Variants in DNAH17 observed in about 807,000 individuals in gnomAD.
DNAH17 encodes the protein axonemal beta dynein heavy chain 17.
A neutral mutation model predicts 485.6 loss-of-function variants in DNAH17; 376 were observed. The observed-to-expected ratio is 0.77, with a 90% confidence interval of 0.71 to 0.84. DNAH17 has a LOEUF of 0.84. Ranked by LOEUF, DNAH17 falls within the 40% of genes least tolerant of loss-of-function variation. DNAH17 has a pLI of 0.00. For missense variants in DNAH17, 6,370 were observed against 5,839.3 expected (o/e 1.09, Z -2.96); for synonymous variants, 3,031 against 2,405.9 (o/e 1.26, Z -7.60).
intron 75 of DNAH17, among the ~76,000 whole-genome samples, chr17:78,430,007 C>T (rs954237365): frequency 5.3e-5 from 8 of 152,198 alleles, no homozygotes; most frequent in Admixed American, 2.6e-4. Flanking sequence ...CCAGAGCACA[C>T]GCCAGGCGAC....
intron 25 of DNAH17, chr17:78,522,372 G>A: frequency 7.1e-6 from 2 of 281,788 alleles, no homozygotes; most frequent in South Asian, 3.4e-5. Flanking sequence ...AAATGCTAGA[G>A]GAAGAGGAAG....
At chr17:78,543,627 G>A (rs999922566) in intron 17 of DNAH17, 18 of 605,790 alleles carry the variant, frequency 3.0e-5, no homozygotes, top group African/African-American at 1.3e-4. Context: ...GTTTCACCAC[G>A]TTGGTCAAGC....
At chr17:78,469,150 CTTTTTT>C (rs888053961) in intron 54 of DNAH17, among the ~76,000 whole-genome samples, 4 of 139,792 alleles carry the variant, frequency 2.9e-5, no homozygotes, top group African/African-American at 1.3e-4. Flanking sequence ...CTGTCTTTTT[CTTTTTT>C]TTTGAGACTG....
chr17:78,454,415 A>G, intron 64 of DNAH17, 55 bp downstream of exon 64: 1 of 1,428,582 alleles, frequency 7.0e-7, no homozygotes, highest in Non-Finnish European at 9.6e-7. Flanking sequence ...GGAATGCCTA[A>G]GGCGTGCTTC....
intron 25 of DNAH17, among the ~76,000 whole-genome samples, chr17:78,523,286 A>AC (rs1233218698): frequency 6.6e-6 from 1 of 150,674 alleles, no homozygotes; most frequent in Non-Finnish European, 1.5e-5. Context: ...ACCATGCCCA[A>AC]CTAATTTTTG....
In DNAH17 at chr17:78,485,729, ATGGTT is replaced by A; in HGVS notation, c.7299_7303del (p.Glu2433AspfsTer81). 1 of 1,613,110 alleles carries A rather than the reference ATGGTT, an allele frequency of 6.2e-7. No homozygotes were observed. The highest frequency in any genetic ancestry group is 8.5e-7 in the Non-Finnish European group (1 of 1,179,834). Reference sequence around the variant, plus strand: ...CAGGTCCATGAAGTAGCGGATGCGGATGGTTTCCGTGGTGTGGACCAAAGAGGCCT... The same window carrying A: ...CAGGTCCATGAAGTAGCGGATGCGGATCCGTGGTGTGGACCAAAGAGGCCT... On this transcript the variant is annotated frameshift_variant, in exon 47 of 81. Transcript: ENST00000389840. LOFTEE classifies it high-confidence loss of function.
In DNAH17 at chr17:78,458,602, C is replaced by T. The variant is rs780672250; in HGVS notation, c.9940G>A (p.Ala3314Thr). Residue 3314 changes from alanine to threonine, a missense_variant, in exon 62 of 81, where the codon GCC (alanine) becomes ACC (threonine). By Grantham distance (58) the Ala-to-Thr change is moderately conservative. Coordinates refer to ENST00000389840, the MANE Select transcript of DNAH17 (RefSeq NM_173628.4). ...TAEKIKCQQEADATNRVILLA... is the reference protein window; with the variant it reads ...TAEKIKCQQETDATNRVILLA... ...AAGATCACCCTGTTCGTGGCATCGG[C>T]CTCTTGCTGACACTTGATTTTCTCA... is the stretch of plus-strand genomic sequence containing the variant. 1 of 1,614,014 alleles carries T rather than the reference C, an allele frequency of 6.2e-7. No individual in the cohort carries two copies. Among genetic ancestry groups the T allele is most frequent in the South Asian group, 1.1e-5 (1 of 91,082 alleles).
chr17:78,444,128 C>A (rs1484214731), intron 71 of DNAH17, among the ~76,000 whole-genome samples: 1 of 152,186 alleles, frequency 6.6e-6, no homozygotes, highest in African/African-American at 2.4e-5. Context: ...CAGAGGTACT[C>A]AAAGTCCTCG....
intron 80 of DNAH17, chr17:78,424,600 A>G (rs1489264100): frequency 1.3e-5 from 2 of 156,654 alleles, no homozygotes; most frequent in African/African-American, 4.8e-5. Flanking sequence ...TACTCGCCCT[A>G]TTTAATGGTG....
rs2086508487 is a variant in DNAH17, at chr17:78,427,250, G to A, written c.12589-142C>T. ...GGCAAGTAGAGTTGCCAGAAATGCA[G>A]GGTCATGGGTGCAGCCACACATTTG... On this transcript the variant is annotated intron_variant, in intron 77 of 80. Transcript: ENST00000389840. 9.2e-6 allele frequency: 7 copies of A among 760,472 alleles called. No individual in the cohort carries two copies. The South Asian group carries it at 1.2e-4, about 13-fold the overall frequency. 47.1% of individuals were successfully genotyped at this position (760,472 alleles called of 1,614,324 possible). A position where few individuals can be genotyped will look rare whatever the true frequency, so the allele number is the denominator to read the frequency against.
Position 78,426,364 on chromosome 17 carries a change from A to G in DNAH17, c.12915+93T>C, listed in dbSNP as rs2086460638. The G allele has an allele frequency of 1.0e-5, 14 of 1,405,900 alleles. 1 individual carries two copies. The South Asian group carries it at 2.1e-4, about 21-fold the overall frequency. 87.1% of individuals were successfully genotyped at this position (1,405,900 alleles called of 1,614,324 possible). ...ACAGGCCCCCAGGAGCCTCCTGGCC[A>G]TGCTCCTGCAGGCTCTAGGGTGTGG... On this transcript the variant is annotated intron_variant, in intron 79 of 80. Coordinates refer to ENST00000389840, the MANE Select transcript of DNAH17 (RefSeq NM_173628.4).
At chr17:78,537,708 G>C (rs1397095086) in intron 18 of DNAH17, among the ~76,000 whole-genome samples, 3 of 152,236 alleles carry the variant, frequency 2.0e-5, no homozygotes, top group Non-Finnish European at 2.9e-5. Flanking sequence ...TGGGGCAAGG[G>C]GAGGGGCAGG....
At chr17:78,576,857 T>G (rs1446435871) in intron 1 of DNAH17, among the ~76,000 whole-genome samples, 5 of 151,654 alleles carry the variant, frequency 3.3e-5, no homozygotes, top group Middle Eastern at 3.4e-3. Flanking sequence ...GATCGGGAGG[T>G]CTCATCTCAG....
intron 58 of DNAH17, among the ~76,000 whole-genome samples, 165 bp downstream of exon 58, chr17:78,461,378 TG>T (rs1443910810): frequency 6.6e-6 from 1 of 152,190 alleles, no homozygotes; most frequent in Non-Finnish European, 1.5e-5. Context: ...GGCCCTCCCC[TG>T]GGAGAGACTC....
chr17:78,545,360 C>T (rs2091730326), intron 16 of DNAH17, among the ~76,000 whole-genome samples: 1 of 152,030 alleles, frequency 6.6e-6, no homozygotes, highest in Non-Finnish European at 1.5e-5. Context: ...AGCAAAATAC[C>T]ATATACTAGG....
At chr17:78,488,862 A>T (rs978204845) in intron 44 of DNAH17, among the ~76,000 whole-genome samples, 2 of 152,000 alleles carry the variant, frequency 1.3e-5, no homozygotes, top group African/African-American at 4.8e-5. Flanking sequence ...GTGTGTCCAT[A>T]AGCCAAGGGA....
At chr17:78,515,623 C>T (rs74435178) in intron 25 of DNAH17, among the ~76,000 whole-genome samples, 3 of 152,346 alleles carry the variant, frequency 2.0e-5, no homozygotes, top group East Asian at 3.9e-4. Context: ...CTCAGTATGT[C>T]CATGTAGCTT....
chr17:78,435,841 C>CA (rs1461519750), intron 74 of DNAH17, among the ~76,000 whole-genome samples: 2 of 152,192 alleles, frequency 1.3e-5, no homozygotes, highest in Non-Finnish European at 2.9e-5. Flanking sequence ...GTGCTGCTTC[C>CA]AGAACGTATC....
intron 40 of DNAH17, 122 bp downstream of exon 40, chr17:78,494,471 C>T: frequency 8.5e-7 from 1 of 1,178,530 alleles, no homozygotes; most frequent in African/African-American, 1.5e-5. Flanking sequence ...GCTCAGAGGT[C>T]TCTTTGTAGC....
Sources: allele counts gnomAD v4.1 joint callset (sites outside exome capture counted in the v4.1 genomes callset), GRCh38; gene constraint gnomAD v4.1.1; transcripts MANE v1.5; gene names NCBI Gene and HGNC (gene_info 2026-07-23, HGNC 2026-07-21).